Variants in TMEM132D observed in about 807,000 individuals in gnomAD.
TMEM132D encodes the protein transmembrane protein 132D.
A neutral mutation model predicts 62.3 loss-of-function variants in TMEM132D; 21 were observed. The ratio of observed to expected loss-of-function variants is 0.34; its 90% confidence interval spans 0.24 to 0.49. TMEM132D has a LOEUF of 0.49. Ranked by LOEUF, TMEM132D falls within the 20% of genes least tolerant of loss-of-function variation. TMEM132D has a pLI of 0.99. For synonymous variants in TMEM132D, 621 were observed against 575.6 expected (o/e 1.08, Z -1.13); for missense variants, 1,346 against 1,402.8 (o/e 0.96, Z 0.65).
At chr12:129,594,856 T>C (rs1878291167) in intron 2 of TMEM132D, among the ~76,000 whole-genome samples, 1 of 152,226 alleles carries the variant, frequency 6.6e-6, no homozygotes, top group Non-Finnish European at 1.5e-5. Flanking sequence ...TTGCAATATC[T>C]GGGACTACCG....
chr12:129,768,102 T>C (rs530400017), intron 1 of TMEM132D, among the ~76,000 whole-genome samples: 1 of 152,320 alleles, frequency 6.6e-6, no homozygotes, highest in Admixed American at 6.5e-5. Context: ...GTCAGAATTG[T>C]GGGAGCTATA....
intron 4 of TMEM132D, among the ~76,000 whole-genome samples, chr12:129,271,690 T>G (rs1443200923): frequency 6.6e-6 from 1 of 151,826 alleles, no homozygotes; most frequent in African/African-American, 2.4e-5. Context: ...GTTAGTTTGC[T>G]GAGGATGATG....
intron 2 of TMEM132D, among the ~76,000 whole-genome samples, chr12:129,607,812 C>A (rs1878669800): frequency 6.6e-6 from 1 of 152,196 alleles, no homozygotes; most frequent in Admixed American, 6.5e-5. Context: ...TCCCCCACTA[C>A]CCTCTAAGAT....
intron 4 of TMEM132D, among the ~76,000 whole-genome samples, chr12:129,298,728 C>T (rs915323529): frequency 2.6e-5 from 4 of 152,232 alleles, no homozygotes; most frequent in African/African-American, 2.4e-5. Flanking sequence ...TGAAATCCTG[C>T]GGTATTTGTC....
chr12:129,402,918 G>C (rs1310434315), intron 3 of TMEM132D, among the ~76,000 whole-genome samples: 2 of 152,014 alleles, frequency 1.3e-5, no homozygotes, highest in African/African-American at 4.8e-5. Context: ...GTTTCTCACA[G>C]CACCCACAGT....
intron 1 of TMEM132D, among the ~76,000 whole-genome samples, chr12:129,866,722 A>G (rs1340414352): frequency 6.6e-6 from 1 of 152,180 alleles, no homozygotes; most frequent in African/African-American, 2.4e-5. Context: ...AGGCTCTTCG[A>G]GATATTAAAA....
At chr12:129,135,322 T>A (rs904011839) in intron 5 of TMEM132D, among the ~76,000 whole-genome samples, 1 of 152,200 alleles carries the variant, frequency 6.6e-6, no homozygotes, top group Non-Finnish European at 1.5e-5. Flanking sequence ...CATGACCTCA[T>A]GGGAATCACT....
At chr12:129,540,968 C>A (rs1336022586) in intron 2 of TMEM132D, among the ~76,000 whole-genome samples, 1 of 152,218 alleles carries the variant, frequency 6.6e-6, no homozygotes, top group Non-Finnish European at 1.5e-5. Flanking sequence ...TCCCTCTTTT[C>A]ATATACTCTT....
At chr12:129,102,744 T>C (rs1490766762) in intron 5 of TMEM132D, among the ~76,000 whole-genome samples, 2 of 152,226 alleles carry the variant, frequency 1.3e-5, no homozygotes, top group Non-Finnish European at 2.9e-5. Context: ...CTTTTTCTTT[T>C]CTTTGGGATC....
intron 2 of TMEM132D, among the ~76,000 whole-genome samples, chr12:129,587,257 G>T (rs1259942588): frequency 6.6e-6 from 1 of 152,182 alleles, no homozygotes; most frequent in Non-Finnish European, 1.5e-5. Context: ...GATGGAGATA[G>T]AGGCCATTAT....
At chr12:129,631,862 G>A (rs1879353217) in intron 2 of TMEM132D, among the ~76,000 whole-genome samples, 1 of 152,142 alleles carries the variant, frequency 6.6e-6, no homozygotes, top group South Asian at 2.1e-4. Flanking sequence ...TTAATATGTT[G>A]TAACTTGACT....
chr12:129,295,523 C>T (rs543398506), intron 4 of TMEM132D, among the ~76,000 whole-genome samples: 3 of 151,240 alleles, frequency 2.0e-5, no homozygotes, highest in Admixed American at 6.6e-5. Flanking sequence ...CTCCACCTCC[C>T]GGGTTCAAGC....
At chr12:129,238,799 A>G (rs1483132976) in intron 4 of TMEM132D, among the ~76,000 whole-genome samples, 4 of 152,230 alleles carry the variant, frequency 2.6e-5, no homozygotes, top group African/African-American at 9.6e-5. Context: ...GGGTGTCCGA[A>G]TATCCCTTTG....
At chr12:129,469,630 C>T (rs1052445800) in intron 3 of TMEM132D, among the ~76,000 whole-genome samples, 2 of 152,206 alleles carry the variant, frequency 1.3e-5, no homozygotes, top group Admixed American at 6.5e-5. Context: ...ACCACCTCAC[C>T]GGACCCAGAG....
At chr12:129,529,442 C>G (rs189507997) in intron 3 of TMEM132D, among the ~76,000 whole-genome samples, 5 of 152,104 alleles carry the variant, frequency 3.3e-5, no homozygotes, top group Admixed American at 6.5e-5. Context: ...CACCATTGGG[C>G]CCCCCCATGC....
At chr12:129,373,794 C>T (rs767610174) in intron 3 of TMEM132D, among the ~76,000 whole-genome samples, 38 of 152,278 alleles carry the variant, frequency 2.5e-4, no homozygotes, top group Non-Finnish European at 4.6e-4. Flanking sequence ...CACGTGCATC[C>T]TTAAAAACTC....
At chr12:129,623,154 T>C (rs1403903764) in intron 2 of TMEM132D, among the ~76,000 whole-genome samples, 2 of 152,356 alleles carry the variant, frequency 1.3e-5, no homozygotes, top group East Asian at 3.9e-4. Context: ...GCTTTTTGCT[T>C]AAACCAGTCG....
At chr12:129,348,450 C>A (rs757044071) in intron 3 of TMEM132D, among the ~76,000 whole-genome samples, 9 of 152,072 alleles carry the variant, frequency 5.9e-5, no homozygotes, top group African/African-American at 1.9e-4. Context: ...CAAACCAACA[C>A]AGGAACAGAA....
intron 4 of TMEM132D, among the ~76,000 whole-genome samples, chr12:129,268,987 G>C (rs777464785): frequency 7.0e-6 from 1 of 142,224 alleles, no homozygotes; most frequent in Non-Finnish European, 1.5e-5. Context: ...CATGGACATA[G>C]GAAGGGGAAC....
Sources: gnomAD v4.1 joint callset for allele counts (sites outside exome capture counted in the v4.1 genomes callset) on GRCh38, gnomAD v4.1.1 for gene constraint, MANE v1.5 for transcripts, NCBI Gene and HGNC (gene_info 2026-07-23, HGNC 2026-07-21) for gene names.